NME8: variants seen among roughly 807,000 people sequenced by gnomAD.
NME8 encodes protein NME8.
Under a neutral mutation model 82.3 loss-of-function variants are expected in NME8, and 72 were observed. That is an observed-to-expected ratio of 0.87 (90% CI 0.72 to 1.06). The LOEUF (loss-of-function observed/expected upper bound fraction) is 1.06. Among genes scored for constraint, NME8 ranks in the 50% least tolerant of loss-of-function variants. NME8 has a pLI of 0.00. For missense variants in NME8, 712 were observed against 685.4 expected, an observed-to-expected ratio of 1.04 and a Z score of -0.43; for synonymous variants, 267 against 228.5, an observed-to-expected ratio of 1.17 and a Z score of -1.52.
At chr7:37,866,414 A>G (rs1203537103) in intron 10 of NME8, among the ~76,000 whole-genome samples, 1 of 152,164 alleles carries the variant, frequency 6.6e-6, no homozygotes, top group African/African-American at 2.4e-5. Context: ...CCATGTGTGT[A>G]GAAAGAAAGG....
At chr7:37,862,184 T>A (rs1314304971) in intron 7 of NME8, 40 bp downstream of exon 7, 2 of 1,350,504 alleles carry the variant, frequency 1.5e-6, no homozygotes, top group South Asian at 1.2e-5. Context: ...GACAAGCTTA[T>A]CATTTAGAGT....
At chr7:37,856,078 AG>A (rs1233002238) in intron 5 of NME8, among the ~76,000 whole-genome samples, 1 of 152,180 alleles carries the variant, frequency 6.6e-6, no homozygotes, top group East Asian at 1.9e-4. Flanking sequence ...TCAGCTTTTT[AG>A]CAGCACTTGC....
chr7:37,850,736 G>T lies in NME8; in HGVS notation c.198+1G>T. 1 of 1,603,236 alleles carries T rather than the reference G, an allele frequency of 6.2e-7. No individual in the cohort carries two copies. The highest frequency in any genetic ancestry group is 8.5e-7 in the Non-Finnish European group (1 of 1,170,626). On this transcript the variant is annotated splice_donor_variant, in intron 5 of 17. Coordinates refer to ENST00000199447, the MANE Select transcript of NME8 (RefSeq NM_016616.5). LOFTEE classifies it high-confidence loss of function. Reference sequence around the variant, plus strand: ...AGACGAAATTCTGCATTTTGCTGTCGTAAGAATTTTGTTTTCATTAAACCA... The same window carrying T: ...AGACGAAATTCTGCATTTTGCTGTCTTAAGAATTTTGTTTTCATTAAACCA...
chr7:37,870,327 A>G (rs1047853948), intron 11 of NME8, among the ~76,000 whole-genome samples: 5 of 152,054 alleles, frequency 3.3e-5, no homozygotes, highest in African/African-American at 1.2e-4. Flanking sequence ...GCGGTGGCTC[A>G]TGCTTGTAAT....
chr7:37,865,103 C>T (rs1242428964), intron 9 of NME8, among the ~76,000 whole-genome samples: 1 of 152,180 alleles, frequency 6.6e-6, no homozygotes, highest in East Asian at 1.9e-4. Context: ...CATGGTTTCT[C>T]AATAGTCCCC....
intron 16 of NME8, among the ~76,000 whole-genome samples, chr7:37,895,173 A>G (rs1785204673): frequency 6.6e-6 from 1 of 152,168 alleles, no homozygotes; most frequent in Non-Finnish European, 1.5e-5. Flanking sequence ...ATGTGTTGAT[A>G]CCTTGTCAAA....
chr7:37,863,511 G>A lies in NME8; in HGVS notation c.454+49G>A, dbSNP rs760249395. ...ATCCAAGGGTTTTCTGTACGTGGGC[G>A]GTCATCACAGCATCACTTGTTTCAG... On this transcript the variant is annotated intron_variant, in intron 8 of 17. Coordinates refer to ENST00000199447, the MANE Select transcript of NME8 (RefSeq NM_016616.5). The A allele has an allele frequency of 1.2e-5, 12 of 996,356 alleles. No homozygotes were observed. The East Asian group carries it at 2.1e-4, about 18-fold the overall frequency. The allele number at this position is 996,356 out of a possible 1,614,324, so 61.7% of individuals were successfully genotyped here.
chr7:37,849,119 T>C (rs1463675113), intron 2 of NME8, 63 bp downstream of exon 2: 1 of 152,396 alleles, frequency 6.6e-6, no homozygotes, highest in Admixed American at 6.5e-5. Flanking sequence ...GGCTTTTCCT[T>C]TGTTGTACGC....
At chr7:37,888,951 T>A (rs1053276684) in intron 15 of NME8, among the ~76,000 whole-genome samples, 8 of 152,038 alleles carry the variant, frequency 5.3e-5, no homozygotes. Context: ...TAGAAATCAA[T>A]GGAATACTTC....
chr7:37,897,249 G>A (rs1397704911), intron 17 of NME8, 142 bp downstream of exon 17: 15 of 637,816 alleles, frequency 2.4e-5, no homozygotes, highest in African/African-American at 5.5e-5. Flanking sequence ...CTGTTCTATT[G>A]CATAGTAGCC....
intron 15 of NME8, 53 bp downstream of exon 15, chr7:37,888,481 A>T: frequency 6.5e-7 from 1 of 1,544,924 alleles, no homozygotes; most frequent in Non-Finnish European, 8.8e-7. Context: ...AATTTTGTGA[A>T]CATTTAAAAA....
intron 5 of NME8, among the ~76,000 whole-genome samples, 189 bp downstream of exon 5, chr7:37,850,924 T>G (rs1242763821): frequency 6.6e-6 from 1 of 152,214 alleles, no homozygotes; most frequent in African/African-American, 2.4e-5. Context: ...TTTTATCCCA[T>G]TCTTATAACG....
chr7:37,854,176 G>A (rs1240477010), intron 5 of NME8, among the ~76,000 whole-genome samples: 2 of 152,068 alleles, frequency 1.3e-5, no homozygotes, highest in Non-Finnish European at 2.9e-5. Flanking sequence ...TATTCTGTAT[G>A]TTATGTGTAT....
At chr7:37,871,966 T>G (rs1001086122) in intron 11 of NME8, among the ~76,000 whole-genome samples, 2 of 152,060 alleles carry the variant, frequency 1.3e-5, no homozygotes, top group Admixed American at 1.3e-4. Context: ...AAAGGGAAGC[T>G]TAACTGATAA....
At chr7:37,890,412 A>G (rs1361497359) in intron 15 of NME8, among the ~76,000 whole-genome samples, 3 of 151,966 alleles carry the variant, frequency 2.0e-5, no homozygotes, top group Non-Finnish European at 4.4e-5. Context: ...TAGCATACCC[A>G]TTACTTCATA....
chr7:37,858,674 G>A lies in NME8; in HGVS notation c.270+1329G>A, dbSNP rs540895094. ...AACAATGAGGAGGCTTTAGCTGCACGTAGTGGGTAGGTGCATGGGAATGAG... is the reference window on the plus strand; with the variant it reads ...AACAATGAGGAGGCTTTAGCTGCACATAGTGGGTAGGTGCATGGGAATGAG... On this transcript the variant is annotated intron_variant, in intron 6 of 17. Transcript: ENST00000199447. 3.3e-5 allele frequency among the ~76,000 whole-genome samples: 5 copies of A among 152,266 alleles called. No homozygotes were observed. In the East Asian group the frequency reaches 5.8e-4, roughly 18 times the overall value.
chr7:37,899,725 C>T (rs965291827), intron 17 of NME8, among the ~76,000 whole-genome samples: 1 of 152,068 alleles, frequency 6.6e-6, no homozygotes, highest in Non-Finnish European at 1.5e-5. Context: ...AGTTCTTAAA[C>T]AGTTAGTAAA....
chr7:37,867,191 A>T (rs1359742878), intron 10 of NME8, among the ~76,000 whole-genome samples: 1 of 152,094 alleles, frequency 6.6e-6, no homozygotes, highest in African/African-American at 2.4e-5. Context: ...TCAATTATCA[A>T]TTTACATTGC....
intron 16 of NME8, among the ~76,000 whole-genome samples, chr7:37,895,050 TA>T (rs1279780804): frequency 3.3e-5 from 5 of 152,208 alleles, no homozygotes. Flanking sequence ...ATCTATCTAA[TA>T]GGCTTGTTGG....
Sources: allele counts gnomAD v4.1 joint callset (sites outside exome capture counted in the v4.1 genomes callset), GRCh38; gene constraint gnomAD v4.1.1; transcripts MANE v1.5; gene names NCBI Gene and HGNC (gene_info 2026-07-23, HGNC 2026-07-21).